Variants in HDAC9 observed in about 807,000 individuals in gnomAD.
The protein encoded by HDAC9 is histone deacetylase 9.
HDAC9 carries 41 observed loss-of-function variants against 139.4 expected under a neutral mutation model. That is an observed-to-expected ratio of 0.29 (90% CI 0.23 to 0.38). The LOEUF (loss-of-function observed/expected upper bound fraction) is 0.38, where lower values mean the gene tolerates loss of function less well. Ranked by LOEUF, HDAC9 falls within the 10% of genes least tolerant of loss-of-function variation. HDAC9 has a pLI of 1.00. For missense variants in HDAC9, 1,147 were observed against 1,297.0 expected, an observed-to-expected ratio of 0.88 and a Z score of 1.78; for synonymous variants, 517 against 476.2, an observed-to-expected ratio of 1.09 and a Z score of -1.12.
chr7:18,969,911 C>A (rs1365760108), intron 24 of HDAC9, among the ~76,000 whole-genome samples: 1 of 152,036 alleles, frequency 6.6e-6, no homozygotes. Context: ...AAGACAGTAA[C>A]CATGAGACAT....
chr7:18,325,073 C>G (rs1316186867), intron 1 of HDAC9, among the ~76,000 whole-genome samples: 1 of 151,936 alleles, frequency 6.6e-6, no homozygotes, highest in Non-Finnish European at 1.5e-5. Flanking sequence ...GAACAATTGA[C>G]CAACAAGTAC....
rs539147519 is a variant in HDAC9 at position 18,400,276 on chromosome 7, G to C, written c.-41-95986G>C. 1.2e-4 allele frequency among the ~76,000 whole-genome samples: 19 copies of C among 152,322 alleles called. No homozygotes were observed. In the South Asian group the frequency reaches 3.7e-3, roughly 30 times the overall value. The stretch of plus-strand genomic sequence containing the variant: ...AAAGGTAAAAGCATGCGATGTGTAG[G>C]TGTGAGAGAGGTTTTGGATTGTAAG... On this transcript the variant is annotated intron_variant, in intron 1 of 3. Coordinates refer to the HDAC9 transcript ENST00000413509.
intron 1 of HDAC9, among the ~76,000 whole-genome samples, chr7:18,405,082 C>T (rs956534223): frequency 2.0e-5 from 3 of 152,168 alleles, no homozygotes; most frequent in Admixed American, 6.5e-5. Context: ...AGAGAAAGCC[C>T]GCGCAGATAA....
In HDAC9 at chr7:18,429,772, C is replaced by CT. The variant is rs1790468624; in HGVS notation, c.-41-66489dup. ...TGAAACGAATCATCGAATTCCTATGCTATTTAGATACACTTCCATTGAGTA... is the reference window on the plus strand; with the variant it reads ...TGAAACGAATCATCGAATTCCTATGCTTATTTAGATACACTTCCATTGAGTA... On this transcript the variant is annotated intron_variant, in intron 1 of 3. Transcript: ENST00000413509. Among the ~76,000 whole-genome samples the CT allele has an allele frequency of 2.6e-5, 4 of 152,182 alleles. No individual in the cohort carries two copies. The South Asian group carries it at 8.3e-4, about 32-fold the overall frequency.
At chr7:18,969,912 C>A (rs1418805746) in intron 24 of HDAC9, among the ~76,000 whole-genome samples, 1 of 152,120 alleles carries the variant, frequency 6.6e-6, no homozygotes, top group Non-Finnish European at 1.5e-5. Flanking sequence ...AGACAGTAAC[C>A]ATGAGACATT....
chr7:18,498,693 T>A (rs1434738515), intron 2 of HDAC9, among the ~76,000 whole-genome samples: 1 of 152,058 alleles, frequency 6.6e-6, no homozygotes, highest in Non-Finnish European at 1.5e-5. Flanking sequence ...ACACTCTGTA[T>A]TCTAGCATGA....
At chr7:18,976,434 T>C (rs927726177) in intron 25 of HDAC9, among the ~76,000 whole-genome samples, 1 of 152,204 alleles carries the variant, frequency 6.6e-6, no homozygotes, top group Admixed American at 6.5e-5. Context: ...GTGGCTGTCC[T>C]TGAGGTCCAA....
At chr7:18,490,239 G>C (rs756940548) in intron 1 of HDAC9, among the ~76,000 whole-genome samples, 7 of 151,994 alleles carry the variant, frequency 4.6e-5, no homozygotes, top group Non-Finnish European at 1.0e-4. Flanking sequence ...TTAAAATACA[G>C]ATTCCTTCCA....
chr7:18,421,658 T>G (rs1789630889), intron 1 of HDAC9, among the ~76,000 whole-genome samples: 1 of 152,142 alleles, frequency 6.6e-6, no homozygotes, highest in Admixed American at 6.6e-5. Flanking sequence ...ATTTCCTAAA[T>G]TATTTCTTTC....
At chr7:18,855,165 A>G (rs1318145664) in intron 21 of HDAC9, among the ~76,000 whole-genome samples, 1 of 152,160 alleles carries the variant, frequency 6.6e-6, no homozygotes, top group Non-Finnish European at 1.5e-5. Flanking sequence ...CTATCACACA[A>G]CCAATGAATG....
chr7:18,171,797 A>C (rs926764245), intron 2 of HDAC9, among the ~76,000 whole-genome samples: 45 of 152,220 alleles, frequency 3.0e-4, no homozygotes, highest in African/African-American at 1.1e-3. Context: ...GGATGAAGCC[A>C]ACTTGTTCGT....
chr7:18,537,530 T>A (rs1395354300), intron 2 of HDAC9, among the ~76,000 whole-genome samples: 1 of 152,132 alleles, frequency 6.6e-6, no homozygotes, highest in Non-Finnish European at 1.5e-5. Flanking sequence ...CAGAAACTTT[T>A]TTTTTTTTCT....
intron 17 of HDAC9, among the ~76,000 whole-genome samples, chr7:18,795,090 A>G (rs1215417187): frequency 6.6e-6 from 1 of 152,092 alleles, no homozygotes; most frequent in African/African-American, 2.4e-5. Flanking sequence ...TTATCCATTT[A>G]AAATAGCCAG....
rs542450551 is a variant in HDAC9, at chr7:18,860,483, A to G, written c.2685-13995A>G. ...TTGTTCTGCCTCTCTTGCCTAAACC[A>G]TGAGGATTATGTTATTCTTTAAATA... On this transcript the variant is annotated intron_variant, in intron 21 of 25. Coordinates refer to ENST00000686413, the MANE Select transcript of HDAC9 (RefSeq NM_178425.4). Among the ~76,000 whole-genome samples the G allele has an allele frequency of 2.0e-3, 297 of 152,298 alleles. 3 individuals carry two copies. The Middle Eastern group carries it at 0.02, about 10-fold the overall frequency.
chr7:18,970,807 AG>A (rs1213769773), intron 24 of HDAC9, among the ~76,000 whole-genome samples: 1 of 118,180 alleles, frequency 8.5e-6, no homozygotes, highest in Non-Finnish European at 1.8e-5. Flanking sequence ...AATGGAAAAA[AG>A]GTAAAAAAAA....
At chr7:18,626,688 T>TA (rs1372407261) in intron 6 of HDAC9, among the ~76,000 whole-genome samples, 1 of 152,186 alleles carries the variant, frequency 6.6e-6, no homozygotes, top group Non-Finnish European at 1.5e-5. Context: ...TTTGCTTTTT[T>TA]ATGTTGACCA....
intron 22 of HDAC9, among the ~76,000 whole-genome samples, chr7:18,928,213 A>C (rs1804409494): frequency 6.6e-6 from 1 of 152,182 alleles, no homozygotes; most frequent in South Asian, 2.1e-4. Context: ...CTCCATAGAG[A>C]CTTCCAATTC....
rs574065782 is a variant in HDAC9 at position 18,092,471 on chromosome 7, A to G, written c.-97+5258A>G. Reference sequence around the variant, plus strand: ...TGACTTTGAAGCCACTCAAGTAGAAACAAGGCTCCAAATCCCTCTGCAGAA... The same window carrying G: ...TGACTTTGAAGCCACTCAAGTAGAAGCAAGGCTCCAAATCCCTCTGCAGAA... On this transcript the variant is annotated intron_variant, in intron 1 of 12. Coordinates refer to the HDAC9 transcript ENST00000417496. Among the ~76,000 whole-genome samples the G allele has an allele frequency of 2.6e-4, 39 of 151,934 alleles. No homozygotes were observed. In the South Asian group the frequency reaches 7.9e-3, roughly 31 times the overall value.
intron 2 of HDAC9, among the ~76,000 whole-genome samples, chr7:18,568,481 AT>A (rs1272741575): frequency 6.6e-6 from 1 of 152,196 alleles, no homozygotes; most frequent in African/African-American, 2.4e-5. Flanking sequence ...TATGTTGCTC[AT>A]TTTAAAGTGC....
Sources: gnomAD v4.1 joint callset for allele counts (sites outside exome capture counted in the v4.1 genomes callset) on GRCh38, gnomAD v4.1.1 for gene constraint, MANE v1.5 for transcripts, NCBI Gene and HGNC (gene_info 2026-07-23, HGNC 2026-07-21) for gene names.